Variants in KIAA1328 observed in about 807,000 individuals in gnomAD.
KIAA1328 encodes protein hinderin.
In KIAA1328, 52 loss-of-function variants were observed where a neutral mutation model predicts 68.1. The observed-to-expected ratio is 0.76, with a 90% CI of 0.61 to 0.96. The LOEUF is 0.96. Among genes scored for constraint, KIAA1328 ranks in the 40% least tolerant of loss-of-function variants. The pLI, the probability that KIAA1328 is intolerant of heterozygous loss-of-function variation, is 0.00. For synonymous variants in KIAA1328, 232 were observed against 239.4 expected (o/e 0.97, Z 0.28); for missense variants, 641 against 677.6 (o/e 0.95, Z 0.60).
intron 4 of KIAA1328, among the ~76,000 whole-genome samples, chr18:36,869,924 G>A (rs1042290795): frequency 1.4e-4 from 21 of 151,944 alleles, no homozygotes; most frequent in African/African-American, 4.3e-4. Context: ...GTGCAATGGC[G>A]CGATCTGGGC....
At chr18:36,856,875 T>C (rs2047400383) in intron 4 of KIAA1328, among the ~76,000 whole-genome samples, 1 of 152,186 alleles carries the variant, frequency 6.6e-6, no homozygotes, top group Non-Finnish European at 1.5e-5. Context: ...GCTTAGTGAC[T>C]TTTCCAGGCT....
intron 6 of KIAA1328, among the ~76,000 whole-genome samples, chr18:36,991,391 T>C (rs1010754444): frequency 2.6e-5 from 4 of 152,200 alleles, no homozygotes; most frequent in South Asian, 2.1e-4. Context: ...AAAAAACTTA[T>C]TAATAATAAA....
At chr18:37,194,069 G>A (rs916820143) in intron 9 of KIAA1328, among the ~76,000 whole-genome samples, 3 of 152,174 alleles carry the variant, frequency 2.0e-5, no homozygotes, top group African/African-American at 7.2e-5. Context: ...AAACACTGCT[G>A]CAATGAATAT....
At chr18:36,866,577 T>C (rs941279741) in intron 4 of KIAA1328, among the ~76,000 whole-genome samples, 1 of 152,256 alleles carries the variant, frequency 6.6e-6, no homozygotes, top group Non-Finnish European at 1.5e-5. Flanking sequence ...TATATTTATA[T>C]ACTTTTTTCC....
chr18:36,953,433 T>C (rs2151240394), intron 5 of KIAA1328, among the ~76,000 whole-genome samples: 1 of 149,920 alleles, frequency 6.7e-6, no homozygotes, highest in Admixed American at 6.7e-5. Flanking sequence ...GATAGATAGA[T>C]ATATAAATGT....
intron 9 of KIAA1328, among the ~76,000 whole-genome samples, chr18:37,183,636 A>G (rs1229207419): frequency 6.6e-6 from 1 of 152,366 alleles, no homozygotes; most frequent in East Asian, 1.9e-4. Flanking sequence ...AAGTATATCA[A>G]TAAGCCTGCA....
intron 7 of KIAA1328, among the ~76,000 whole-genome samples, chr18:37,103,221 C>T (rs916392173): frequency 2.6e-5 from 4 of 151,970 alleles, no homozygotes; most frequent in Non-Finnish European, 5.9e-5. Context: ...CAATACCGAG[C>T]AAAAGGTTAC....
chr18:37,062,579 C>T (rs566408377), intron 6 of KIAA1328, among the ~76,000 whole-genome samples: 8 of 151,844 alleles, frequency 5.3e-5, no homozygotes, highest in Non-Finnish European at 8.8e-5. Context: ...CCTCAGCCTC[C>T]GGAGTAGCTG....
chr18:37,173,175 T>A, intron 9 of KIAA1328, 94 bp downstream of exon 9: 1 of 874,576 alleles, frequency 1.1e-6, no homozygotes, highest in Non-Finnish European at 1.8e-6. Flanking sequence ...TCTTGACAAC[T>A]CTTAGTAATT....
chr18:37,128,552 A>G (rs182286727), intron 7 of KIAA1328, among the ~76,000 whole-genome samples: 166 of 152,306 alleles, frequency 1.1e-3, no homozygotes, highest in African/African-American at 3.7e-3. Flanking sequence ...TATGTTGCTG[A>G]TGAGAATGCA....
rs76312507 is a variant in KIAA1328 at position 36,947,015 on chromosome 18, A to T, written c.449-12293A>T. On this transcript the variant is annotated intron_variant, in intron 5 of 9. Coordinates refer to ENST00000280020, the MANE Select transcript of KIAA1328 (RefSeq NM_020776.3). ...CCACTTAAACTCGGTTTACATTTCCACTAAGAAATGAATTGTTAGGCTCCT... is the reference window on the plus strand; with the variant it reads ...CCACTTAAACTCGGTTTACATTTCCTCTAAGAAATGAATTGTTAGGCTCCT... 5.8e-3 allele frequency among the ~76,000 whole-genome samples: 889 copies of T among 152,190 alleles called. 11 individuals carry two copies. The highest frequency in any genetic ancestry group is 0.02 in the African/African-American group (825 of 41,522).
At chr18:37,002,844 A>C (rs1182882323) in intron 6 of KIAA1328, among the ~76,000 whole-genome samples, 1 of 152,156 alleles carries the variant, frequency 6.6e-6, no homozygotes, top group African/African-American at 2.4e-5. Context: ...ACAATCCTAC[A>C]ATTCATATGA....
intron 6 of KIAA1328, among the ~76,000 whole-genome samples, chr18:37,038,585 T>C (rs1389615332): frequency 6.6e-6 from 1 of 152,072 alleles, no homozygotes; most frequent in East Asian, 1.9e-4. Flanking sequence ...GCTGAACTTA[T>C]TATTTCAGTA....
chr18:37,079,549 G>A (rs2056875757), intron 7 of KIAA1328, among the ~76,000 whole-genome samples: 1 of 151,668 alleles, frequency 6.6e-6, no homozygotes, highest in Admixed American at 6.6e-5. Flanking sequence ...TCTCAGAACT[G>A]TAAGTCCCTA....
intron 6 of KIAA1328, among the ~76,000 whole-genome samples, chr18:37,008,753 C>T (rs1213243816): frequency 6.6e-6 from 1 of 151,988 alleles, no homozygotes; most frequent in African/African-American, 2.4e-5. Context: ...ATACAATACC[C>T]ATAATGAAAA....
intron 4 of KIAA1328, among the ~76,000 whole-genome samples, chr18:36,865,815 T>C (rs2047730546): frequency 6.6e-6 from 1 of 152,164 alleles, no homozygotes; most frequent in Non-Finnish European, 1.5e-5. Context: ...ATCCTCTCAC[T>C]TTATACTGTC....
chr18:37,105,223 C>T lies in KIAA1328; in HGVS notation c.1232+37678C>T, dbSNP rs76157479. 2.7e-3 allele frequency among the ~76,000 whole-genome samples: 409 copies of T among 152,148 alleles called. 3 individuals carry two copies. Among genetic ancestry groups the T allele is most frequent in the African/African-American group, 9.5e-3 (393 of 41,504 alleles). On this transcript the variant is annotated intron_variant, in intron 7 of 9. Transcript: ENST00000280020. ...GACATTCAGTAAGAGTACGACTAGG[C>T]GTGGTGTGGTTGCTGACGCCTGTTA...
intron 7 of KIAA1328, among the ~76,000 whole-genome samples, chr18:37,080,133 T>C (rs2056900439): frequency 6.6e-6 from 1 of 152,218 alleles, no homozygotes; most frequent in Non-Finnish European, 1.5e-5. Flanking sequence ...TTGTTACTTT[T>C]TTTAACTTCT....
At chr18:36,878,103 G>A (rs1378984738) in intron 4 of KIAA1328, among the ~76,000 whole-genome samples, 1 of 152,148 alleles carries the variant, frequency 6.6e-6, no homozygotes, top group African/African-American at 2.4e-5. Flanking sequence ...TCATAGTGTT[G>A]ATGGTCTTCA....
Sources: allele counts gnomAD v4.1 joint callset (sites outside exome capture counted in the v4.1 genomes callset), GRCh38; gene constraint gnomAD v4.1.1; transcripts MANE v1.5; gene names NCBI Gene and HGNC (gene_info 2026-07-23, HGNC 2026-07-21).